Variants in SPIDR observed in about 807,000 individuals in gnomAD.
SPIDR encodes scaffold protein involved in DNA repair.
A neutral mutation model predicts 104.6 loss-of-function variants in SPIDR; 93 were observed. That is an observed-to-expected ratio of 0.89 (90% CI 0.75 to 1.06). The LOEUF (loss-of-function observed/expected upper bound fraction) is 1.06, where lower values mean the gene tolerates loss of function less well. Ranked by LOEUF, SPIDR falls within the 50% of genes least tolerant of loss-of-function variation. SPIDR has a pLI of 0.00. For missense variants in SPIDR, 1,154 were observed against 1,111.2 expected (o/e 1.04, Z -0.55); for synonymous variants, 431 against 416.9 (o/e 1.03, Z -0.41).
At chr8:47,539,293 T>C (rs2087616179) in intron 8 of SPIDR, among the ~76,000 whole-genome samples, 2 of 152,200 alleles carry the variant, frequency 1.3e-5, no homozygotes, top group African/African-American at 4.8e-5. Flanking sequence ...AATTTTTTCC[T>C]TATCAGCACA....
intron 5 of SPIDR, among the ~76,000 whole-genome samples, chr8:47,387,061 A>AT (rs1233767861): frequency 1.3e-5 from 2 of 152,172 alleles, no homozygotes; most frequent in African/African-American, 4.8e-5. Context: ...ATGAGGGGAT[A>AT]TTTAAGCTGA....
chr8:47,608,794 G>A (rs1388962371), intron 10 of SPIDR, among the ~76,000 whole-genome samples: 1 of 152,242 alleles, frequency 6.6e-6, no homozygotes, highest in Non-Finnish European at 1.5e-5. Flanking sequence ...CACGATCTCA[G>A]CTCACTGCAA....
At chr8:47,587,190 A>G (rs1262850813) in intron 8 of SPIDR, among the ~76,000 whole-genome samples, 1 of 152,200 alleles carries the variant, frequency 6.6e-6, no homozygotes, top group Non-Finnish European at 1.5e-5. Context: ...TTTATAGTTT[A>G]CGTTTATATT....
chr8:47,272,981 AAACT>A (rs1328487315), intron 1 of SPIDR, among the ~76,000 whole-genome samples: 1 of 152,248 alleles, frequency 6.6e-6, no homozygotes, highest in Non-Finnish European at 1.5e-5. Flanking sequence ...AAGGAAAAAC[AAACT>A]GTTTTCCCCT....
At chr8:47,453,391 G>A (rs1420049805) in intron 8 of SPIDR, among the ~76,000 whole-genome samples, 4 of 151,998 alleles carry the variant, frequency 2.6e-5, no homozygotes. Context: ...GGAACCAGAG[G>A]GGAGCCCGCA....
At chr8:47,719,320 A>G (rs1181972997) in intron 16 of SPIDR, among the ~76,000 whole-genome samples, 1 of 152,118 alleles carries the variant, frequency 6.6e-6, no homozygotes, top group Non-Finnish European at 1.5e-5. Context: ...CATCCTGGCT[A>G]ACACAGTGAA....
At chr8:47,656,496 A>G (rs917460601) in intron 10 of SPIDR, among the ~76,000 whole-genome samples, 13 of 152,192 alleles carry the variant, frequency 8.5e-5, no homozygotes, top group Non-Finnish European at 1.8e-4. Context: ...AATAAAAAGA[A>G]GGACAATACC....
intron 5 of SPIDR, among the ~76,000 whole-genome samples, chr8:47,366,089 G>T (rs1227844440): frequency 6.6e-6 from 1 of 152,076 alleles, no homozygotes; most frequent in Non-Finnish European, 1.5e-5. Flanking sequence ...ATAAAACCAG[G>T]TGGTATAGGT....
intron 6 of SPIDR, among the ~76,000 whole-genome samples, chr8:47,401,213 C>T (rs963135917): frequency 1.6e-4 from 24 of 152,118 alleles, no homozygotes; most frequent in Admixed American, 1.5e-3. Context: ...ATTTTCAACC[C>T]AGAATTTCAT....
intron 10 of SPIDR, chr8:47,673,299 C>A (rs17614038): frequency 0.034 from 13,480 of 394,234 alleles, 319 homozygotes; most frequent in South Asian, 0.052. Flanking sequence ...CTGGGATATG[C>A]GTGTCTAAAC....
chr8:47,636,831 A>G (rs2154445079), intron 10 of SPIDR, among the ~76,000 whole-genome samples: 1 of 151,644 alleles, frequency 6.6e-6, no homozygotes, highest in Admixed American at 6.6e-5. Context: ...AAAAAAAAAA[A>G]GAGATTGTCT....
At position 47,670,935 on chromosome 8, in the gene SPIDR, G is replaced by A. The variant is rs183028468; in HGVS notation, c.1545-2866G>A. Among the ~76,000 whole-genome samples the A allele has an allele frequency of 4.6e-5, 7 of 151,982 alleles. No individual in the cohort carries two copies. The South Asian group carries it at 1.0e-3, about 22-fold the overall frequency. On this transcript the variant is annotated intron_variant, in intron 10 of 19. Transcript: ENST00000297423. ...ATTTTATTTGTTTTTTTGAGACAGG[G>A]TCTCACTGTGCCACCCAGGCTGGAG...
chr8:47,421,308 TC>T (rs2065414591), intron 7 of SPIDR, among the ~76,000 whole-genome samples: 1 of 152,228 alleles, frequency 6.6e-6, no homozygotes, highest in East Asian at 1.9e-4. Flanking sequence ...TTTGTTCATT[TC>T]TTTTAATTCT....
chr8:47,515,885 A>G (rs1357369750), intron 8 of SPIDR, among the ~76,000 whole-genome samples: 1 of 152,130 alleles, frequency 6.6e-6, no homozygotes, highest in East Asian at 1.9e-4. Context: ...ATCTTGGCTC[A>G]CTGCAACCTC....
rs782786907 is a variant in SPIDR at position 47,445,695 on chromosome 8, GAA to G, written c.1097+5156_1097+5157del. The stretch of plus-strand genomic sequence containing the variant: ...AGTTAGACAAGTTATGAATGAAAAG[GAA>G]AAGTTCTTGAAGGAAATAAAAAGTG... On this transcript the variant is annotated intron_variant, in intron 8 of 19. Transcript: ENST00000297423. Among the ~76,000 whole-genome samples the G allele has an allele frequency of 2.5e-4, 38 of 152,344 alleles. 1 individual carries two copies. The highest frequency in any genetic ancestry group is 4.7e-4 in the Non-Finnish European group (32 of 68,028).
chr8:47,589,529 CA>C (rs201545161), intron 8 of SPIDR, among the ~76,000 whole-genome samples: 70 of 137,554 alleles, frequency 5.1e-4, no homozygotes, highest in Middle Eastern at 3.8e-3. Flanking sequence ...CATCTCAAAA[CA>C]AAAAAAAAAA....
chr8:47,498,974 T>C (rs1443595352), intron 8 of SPIDR, among the ~76,000 whole-genome samples: 1 of 152,196 alleles, frequency 6.6e-6, no homozygotes, highest in Non-Finnish European at 1.5e-5. Context: ...TTGTAATCAC[T>C]ACCACGAGGG....
At chr8:47,653,214 G>T (rs1269858990) in intron 10 of SPIDR, among the ~76,000 whole-genome samples, 2 of 152,126 alleles carry the variant, frequency 1.3e-5, no homozygotes, top group African/African-American at 2.4e-5. Context: ...CCCTTTGATG[G>T]CTCAGGGGAA....
intron 3 of SPIDR, among the ~76,000 whole-genome samples, chr8:47,290,372 G>T (rs1296622311): frequency 1.3e-5 from 2 of 152,124 alleles, no homozygotes; most frequent in African/African-American, 2.4e-5. Flanking sequence ...GCTATAAAAA[G>T]GTAATAAAGG....
Sources: allele counts gnomAD v4.1 joint callset (sites outside exome capture counted in the v4.1 genomes callset), GRCh38; gene constraint gnomAD v4.1.1; transcripts MANE v1.5; gene names NCBI Gene and HGNC (gene_info 2026-07-23, HGNC 2026-07-21).